RGS7: variants seen among roughly 807,000 people sequenced by gnomAD.
RGS7 encodes regulator of G-protein signaling 7.
In RGS7, 27 loss-of-function variants were observed where a neutral mutation model predicts 81.1. The ratio of observed to expected loss-of-function variants is 0.33; its 90% confidence interval spans 0.25 to 0.46. RGS7 has a LOEUF of 0.46. Ranked by LOEUF, RGS7 falls within the 20% of genes least tolerant of loss-of-function variation. The pLI is 1.00. For synonymous variants in RGS7, 208 were observed against 207.7 expected (o/e 1.00, Z -0.01); for missense variants, 396 against 607.4 (o/e 0.65, Z 3.66).
chr1:241,086,018 G>A (rs1471174769), intron 3 of RGS7, among the ~76,000 whole-genome samples: 1 of 152,164 alleles, frequency 6.6e-6, no homozygotes, highest in Non-Finnish European at 1.5e-5. Context: ...AGGAACTGTG[G>A]GCTCTGTGCT....
chr1:240,788,022 A>G (rs541749417), intron 18 of RGS7, among the ~76,000 whole-genome samples: 3 of 152,314 alleles, frequency 2.0e-5, no homozygotes, highest in East Asian at 3.9e-4. Flanking sequence ...ATGAACTGGA[A>G]CACATGTACA....
chr1:241,020,258 A>G (rs2059474492), intron 3 of RGS7, among the ~76,000 whole-genome samples: 1 of 152,198 alleles, frequency 6.6e-6, no homozygotes, highest in Non-Finnish European at 1.5e-5. Context: ...TAGGGCTGTC[A>G]TAAAAATTAT....
At chr1:240,905,014 G>A (rs559930564) in intron 6 of RGS7, among the ~76,000 whole-genome samples, 2 of 152,218 alleles carry the variant, frequency 1.3e-5, no homozygotes, top group African/African-American at 4.8e-5. Context: ...ACCAGGAGAT[G>A]CTAAAATGAT....
chr1:241,306,044 A>G (rs1308114611), intron 2 of RGS7, among the ~76,000 whole-genome samples: 3 of 152,152 alleles, frequency 2.0e-5, no homozygotes, highest in Admixed American at 2.0e-4. Context: ...TGGAATTCAC[A>G]TCAGAATAAC....
intron 3 of RGS7, among the ~76,000 whole-genome samples, chr1:241,005,469 C>T (rs924048577): frequency 6.6e-6 from 1 of 152,166 alleles, no homozygotes; most frequent in Non-Finnish European, 1.5e-5. Context: ...TCTGTCACCA[C>T]GTTTTAGTTT....
intron 2 of RGS7, among the ~76,000 whole-genome samples, chr1:241,200,164 C>T (rs2073391672): frequency 6.6e-6 from 1 of 152,042 alleles, no homozygotes; most frequent in East Asian, 1.9e-4. Flanking sequence ...AAATTTAACA[C>T]AAACAACTAT....
intron 4 of RGS7, among the ~76,000 whole-genome samples, chr1:240,955,413 A>C (rs1680207329): frequency 1.3e-5 from 2 of 152,006 alleles, no homozygotes; most frequent in Non-Finnish European, 2.9e-5. Context: ...TTAGCCAGAC[A>C]TGGTGGTGGG....
intron 3 of RGS7, among the ~76,000 whole-genome samples, chr1:240,989,704 T>A (rs1018045331): frequency 1.3e-5 from 2 of 152,072 alleles, no homozygotes; most frequent in African/African-American, 4.8e-5. Context: ...TTTTTTAATT[T>A]AAAAAAATTG....
At chr1:241,178,251 C>T (rs563032695) in intron 2 of RGS7, among the ~76,000 whole-genome samples, 4 of 152,012 alleles carry the variant, frequency 2.6e-5, no homozygotes, top group African/African-American at 9.7e-5. Context: ...AGGATGGTGC[C>T]ACTGCACTCC....
chr1:241,333,878 C>G (rs1278704405), intron 2 of RGS7, among the ~76,000 whole-genome samples: 1 of 151,674 alleles, frequency 6.6e-6, no homozygotes, highest in African/African-American at 2.4e-5. Flanking sequence ...AAAAATGATC[C>G]TTTGTATTTC....
intron 2 of RGS7, among the ~76,000 whole-genome samples, chr1:241,214,148 C>A (rs1003389556): frequency 1.3e-4 from 20 of 152,188 alleles, no homozygotes; most frequent in African/African-American, 4.6e-4. Context: ...TATCTGGTAT[C>A]ATTTCCTTTC....
rs191698384 is a variant in RGS7 at position 240,846,013 on chromosome 1, G to A, written c.610-18841C>T. On this transcript the variant is annotated intron_variant, in intron 9 of 18. Coordinates refer to ENST00000440928, the MANE Select transcript of RGS7 (RefSeq NM_001364886.1). ...GAAACTAAGTCAGTATGTATTTAAT[G>A]TCATCCAAAAGGATGTAGATAGGAT... Among the ~76,000 whole-genome samples the A allele has an allele frequency of 2.3e-4, 35 of 152,286 alleles. 1 individual carries two copies. The highest frequency in any genetic ancestry group is 2.3e-3 in the Admixed American group (35 of 15,286).
At chr1:241,303,445 G>C (rs776892881) in intron 2 of RGS7, among the ~76,000 whole-genome samples, 9 of 152,002 alleles carry the variant, frequency 5.9e-5, no homozygotes, top group Admixed American at 3.3e-4. Flanking sequence ...TCTTTTTCTA[G>C]GTGAATTACC....
intron 2 of RGS7, among the ~76,000 whole-genome samples, chr1:241,244,817 G>A (rs967320562): frequency 3.3e-5 from 5 of 151,994 alleles, no homozygotes; most frequent in African/African-American, 1.2e-4. Context: ...GGACATGGAT[G>A]AAGCTGGAAA....
rs150581577 is a variant in RGS7 at position 241,025,231 on chromosome 1, G to C, written c.176-42102C>G. ...ATACACAATGGTGTTGAACAGGACAGGTCAGTGGTTAGCAGAAGTAGTGGC... is the reference window on the plus strand; with the variant it reads ...ATACACAATGGTGTTGAACAGGACACGTCAGTGGTTAGCAGAAGTAGTGGC... On this transcript the variant is annotated intron_variant, in intron 3 of 18. Coordinates refer to ENST00000440928, the MANE Select transcript of RGS7 (RefSeq NM_001364886.1). 1.8e-3 allele frequency among the ~76,000 whole-genome samples: 279 copies of C among 152,328 alleles called. 1 individual carries two copies. In the Middle Eastern group the frequency reaches 0.02, roughly 11 times the overall value.
chr1:241,120,876 A>G (rs2066205856), intron 2 of RGS7, among the ~76,000 whole-genome samples: 1 of 152,160 alleles, frequency 6.6e-6, no homozygotes, highest in Non-Finnish European at 1.5e-5. Flanking sequence ...TTTAGAGTGG[A>G]GGTGCACGAG....
chr1:241,239,445 T>C (rs2076162749), intron 2 of RGS7, among the ~76,000 whole-genome samples: 1 of 152,214 alleles, frequency 6.6e-6, no homozygotes, highest in African/African-American at 2.4e-5. Flanking sequence ...AATCTCATCA[T>C]GTCCCCCCTT....
intron 2 of RGS7, among the ~76,000 whole-genome samples, chr1:241,160,528 C>T (rs941500993): frequency 4.6e-5 from 7 of 151,366 alleles, no homozygotes; most frequent in Non-Finnish European, 2.9e-5. Context: ...ATCCCCTGAA[C>T]GGTGTGTGGA....
intron 9 of RGS7, among the ~76,000 whole-genome samples, chr1:240,833,988 C>T (rs911176262): frequency 9.2e-5 from 14 of 152,228 alleles, no homozygotes; most frequent in African/African-American, 2.6e-4. Flanking sequence ...GGTCTTGCTC[C>T]GTTGCCCAGG....
Sources: allele counts gnomAD v4.1 joint callset (sites outside exome capture counted in the v4.1 genomes callset), GRCh38; gene constraint gnomAD v4.1.1; transcripts MANE v1.5; gene names NCBI Gene and HGNC (gene_info 2026-07-23, HGNC 2026-07-21).